The following PKHD1 variants were observed in gnomAD, a reference collection of about 807,000 sequenced individuals.
PKHD1 encodes the protein fibrocystin.
PKHD1 carries 291 observed loss-of-function variants against 412.0 expected under a neutral mutation model. The observed-to-expected ratio is 0.71, with a 90% CI of 0.64 to 0.78. The LOEUF (loss-of-function observed/expected upper bound fraction) is 0.78. Among genes scored for constraint, PKHD1 ranks in the 30% least tolerant of loss-of-function variants. PKHD1 has a pLI of 0.00. For missense variants in PKHD1, 4,825 were observed against 4,950.7 expected (o/e 0.97, Z 0.76); for synonymous variants, 1,777 against 1,821.5 (o/e 0.98, Z 0.62).
At chr6:51,824,573 A>G (rs1370505695) in intron 52 of PKHD1, among the ~76,000 whole-genome samples, 3 of 152,154 alleles carry the variant, frequency 2.0e-5, no homozygotes, top group African/African-American at 7.2e-5. Flanking sequence ...CTTTGACTTC[A>G]GGTTTTCTTT....
chr6:51,696,028 G>C (rs1167367852), intron 60 of PKHD1, among the ~76,000 whole-genome samples: 1 of 152,200 alleles, frequency 6.6e-6, no homozygotes, highest in African/African-American at 2.4e-5. Context: ...TTCTTCAGAA[G>C]AAAGAATCTG....
At chr6:51,824,750 C>T (rs1211791955) in intron 52 of PKHD1, among the ~76,000 whole-genome samples, 2 of 152,098 alleles carry the variant, frequency 1.3e-5, no homozygotes, top group African/African-American at 4.8e-5. Flanking sequence ...AAATATGTTT[C>T]CTTCATGTCT....
Position 51,748,431 on chromosome 6 carries a change from T to TGTCAC in PKHD1, c.9184_9185insGTGAC (p.Asn3062SerfsTer8). On this transcript the variant is annotated frameshift_variant, in exon 58 of 67. Transcript: ENST00000371117. LOFTEE classifies it high-confidence loss of function. ...CTGTGTCATCAGAACCACAAGGTTA[T>TGTCAC]TAGTGACAGTATAGGCCTGACCCTC... 6.2e-7 allele frequency: 1 copy of TGTCAC among 1,614,070 alleles called. No homozygotes were observed. Among genetic ancestry groups the TGTCAC allele is most frequent in the Non-Finnish European group, 8.5e-7 (1 of 1,179,962 alleles).
At chr6:52,051,187 G>C (rs1400848873) in intron 21 of PKHD1, among the ~76,000 whole-genome samples, 1 of 152,184 alleles carries the variant, frequency 6.6e-6, no homozygotes. Flanking sequence ...TCCGCTGTGT[G>C]AATTGGGGCA....
chr6:51,806,677 A>G (rs752466149), intron 52 of PKHD1, among the ~76,000 whole-genome samples: 4 of 144,902 alleles, frequency 2.8e-5, no homozygotes, highest in Non-Finnish European at 4.5e-5. Context: ...AAGAATCGTT[A>G]TCTAAAAATA....
At chr6:51,772,876 G>T in intron 54 of PKHD1, 87 bp from the exon 55 acceptor site, 1 of 781,802 alleles carries the variant, frequency 1.3e-6, no homozygotes, top group South Asian at 1.4e-5. Context: ...AGAGGCTGTT[G>T]TGCAAAACAT....
At chr6:51,680,072 G>T (rs376522278) in intron 60 of PKHD1, among the ~76,000 whole-genome samples, 3 of 151,818 alleles carry the variant, frequency 2.0e-5, no homozygotes, top group East Asian at 1.9e-4. Flanking sequence ...AGCTCCTAAG[G>T]TGTCTGTGCC....
Position 51,617,940 on chromosome 6 carries a change from C to T in PKHD1, c.*1141G>A, listed in dbSNP as rs1222745221. On this transcript the variant is annotated 3_prime_UTR_variant, in exon 67 of 67. Coordinates refer to ENST00000371117, the MANE Select transcript of PKHD1 (RefSeq NM_138694.4). ...GAGCAATCTCTTTTTGGAAGCTCTC[C>T]ACATTCCTGCGATCTTTTCTTTACA... 6.6e-6 allele frequency: 1 copy of T among 152,144 alleles called. No homozygotes were observed. The highest frequency in any genetic ancestry group is 1.5e-5 in the Non-Finnish European group (1 of 68,042). 9.4% of individuals were successfully genotyped at this position (152,144 alleles called of 1,614,324 possible).
chr6:52,027,680 C>A, intron 31 of PKHD1, 149 bp downstream of exon 31: 2 of 666,854 alleles, frequency 3.0e-6, no homozygotes, highest in Non-Finnish European at 2.7e-6. Flanking sequence ...CTTTTAAAAA[C>A]ACCCCTCAGT....
chr6:52,016,400 C>T (rs1048507727), intron 34 of PKHD1, among the ~76,000 whole-genome samples: 7 of 151,996 alleles, frequency 4.6e-5, no homozygotes, highest in African/African-American at 1.5e-4. Context: ...CTTTGGGAGA[C>T]CAAGTCGGGT....
At chr6:51,967,638 TTGTGTGTGTGTGTGTATGTGTGTG>T (rs1035908927) in intron 35 of PKHD1, among the ~76,000 whole-genome samples, 3 of 136,800 alleles carry the variant, frequency 2.2e-5, no homozygotes, top group African/African-American at 7.7e-5. Flanking sequence ...GTGTGGGAAG[TTGTGTGTGTGTGTGTATGTGTGTG>T]TGTGTGTGTG....
chr6:51,759,735 T>A (rs944662396), intron 55 of PKHD1, among the ~76,000 whole-genome samples: 7 of 152,124 alleles, frequency 4.6e-5, no homozygotes, highest in Non-Finnish European at 7.4e-5. Context: ...ACACCTCATG[T>A]GCATTAACTC....
At chr6:51,644,355 T>C (rs1769797747) in intron 63 of PKHD1, among the ~76,000 whole-genome samples, 2 of 152,144 alleles carry the variant, frequency 1.3e-5, no homozygotes, top group African/African-American at 2.4e-5. Flanking sequence ...TGGTAGGCAA[T>C]GTGCACCATA....
intron 55 of PKHD1, 146 bp from the exon 56 acceptor site, chr6:51,755,084 AG>A (rs1786741450): frequency 1.3e-6 from 1 of 760,496 alleles, no homozygotes; most frequent in South Asian, 1.5e-5. Flanking sequence ...CAGTGGAAAA[AG>A]GCTTTCGCAA....
chr6:51,923,660 G>A (rs1012203429), intron 37 of PKHD1, among the ~76,000 whole-genome samples: 1 of 152,140 alleles, frequency 6.6e-6, no homozygotes, highest in Admixed American at 6.5e-5. Flanking sequence ...CACAAAGATT[G>A]GAAAACTCCA....
intron 60 of PKHD1, among the ~76,000 whole-genome samples, chr6:51,690,292 A>G (rs1777997259): frequency 9.0e-6 from 1 of 111,350 alleles, no homozygotes; most frequent in African/African-American, 3.3e-5. Context: ...AAAAAAAAAA[A>G]AAAAAAAGAA....
chr6:51,675,892 A>G (rs1775756145), intron 60 of PKHD1, among the ~76,000 whole-genome samples: 1 of 152,174 alleles, frequency 6.6e-6, no homozygotes, highest in African/African-American at 2.4e-5. Flanking sequence ...AGCAGGTTGT[A>G]TTTGTGTGTG....
chr6:51,767,190 A>G (rs1789196919), intron 55 of PKHD1, among the ~76,000 whole-genome samples: 1 of 152,002 alleles, frequency 6.6e-6, no homozygotes, highest in African/African-American at 2.4e-5. Context: ...GGTGCCAACA[A>G]CAGATTACTC....
chr6:51,690,243 G>C (rs1392120464), intron 60 of PKHD1, among the ~76,000 whole-genome samples: 3 of 132,642 alleles, frequency 2.3e-5, no homozygotes, highest in African/African-American at 8.5e-5. Context: ...CTGCCCTCCA[G>C]CCTGGGTGAC....
Sources: gnomAD v4.1 joint callset for allele counts (sites outside exome capture counted in the v4.1 genomes callset) on GRCh38, gnomAD v4.1.1 for gene constraint, MANE v1.5 for transcripts, NCBI Gene and HGNC (gene_info 2026-07-23, HGNC 2026-07-21) for gene names.